The following ADARB2 variants were observed in gnomAD, a reference collection of about 807,000 sequenced individuals.
ADARB2 encodes inactive double-stranded RNA-specific editase B2.
Under a neutral mutation model 62.2 loss-of-function variants are expected in ADARB2, and 25 were observed. That is an observed-to-expected ratio of 0.40 (90% confidence interval 0.29 to 0.56). The LOEUF (loss-of-function observed/expected upper bound fraction) is 0.56. Among genes scored for constraint, ADARB2 ranks in the 20% least tolerant of loss-of-function variants. ADARB2 has a pLI of 0.43. For synonymous variants in ADARB2, 572 were observed against 500.8 expected (o/e 1.14, Z -1.90); for missense variants, 1,071 against 1,077.4 (o/e 0.99, Z 0.08).
Position 1,474,555 on chromosome 10 carries a change from C to T in ADARB2, c.101-95395G>A, listed in dbSNP as rs74594419. On this transcript the variant is annotated intron_variant, in intron 1 of 9. Coordinates refer to ENST00000381312, the MANE Select transcript of ADARB2 (RefSeq NM_018702.4). Reference sequence around the variant, plus strand: ...ACACAGCCGGAGCGGACGGGCAAGGCGATGCTGTGTCCACACACGCAAACA... The same window carrying T: ...ACACAGCCGGAGCGGACGGGCAAGGTGATGCTGTGTCCACACACGCAAACA... Among the ~76,000 whole-genome samples the T allele has an allele frequency of 3.5e-3, 535 of 152,288 alleles. 3 individuals are homozygous for T. The highest frequency in any genetic ancestry group is 0.012 in the African/African-American group (498 of 41,562).
chr10:1,610,998 G>A (rs1344290884), intron 1 of ADARB2, among the ~76,000 whole-genome samples: 1 of 152,294 alleles, frequency 6.6e-6, no homozygotes, highest in South Asian at 2.1e-4. Flanking sequence ...GTACATTAGT[G>A]GTAGGAAATA....
chr10:1,575,081 A>T (rs1223716788), intron 1 of ADARB2, among the ~76,000 whole-genome samples: 1 of 25,758 alleles, frequency 3.9e-5, no homozygotes, highest in Non-Finnish European at 9.7e-5. Context: ...TGTACAGGTT[A>T]TTAAGCTGAA....
chr10:1,356,457 C>T (rs535422860), intron 3 of ADARB2, among the ~76,000 whole-genome samples: 21 of 152,270 alleles, frequency 1.4e-4, no homozygotes, highest in African/African-American at 4.1e-4. Flanking sequence ...TGGAAAACAA[C>T]AGAACTTCAC....
At chr10:1,516,356 C>T (rs1832008943) in intron 1 of ADARB2, among the ~76,000 whole-genome samples, 1 of 152,256 alleles carries the variant, frequency 6.6e-6, no homozygotes, top group Non-Finnish European at 1.5e-5. Flanking sequence ...GCGGCTTTCC[C>T]TGCTCCCTTT....
chr10:1,606,799 T>C (rs1036019927), intron 1 of ADARB2, among the ~76,000 whole-genome samples: 10 of 152,130 alleles, frequency 6.6e-5, no homozygotes, highest in African/African-American at 9.7e-5. Context: ...ACAGAAGCCA[T>C]TGAAGCCAGG....
At chr10:1,728,754 C>T (rs1835196861) in intron 1 of ADARB2, among the ~76,000 whole-genome samples, 1 of 152,206 alleles carries the variant, frequency 6.6e-6, no homozygotes, top group South Asian at 2.1e-4. Context: ...TCAGTCAGTG[C>T]TGAATATATA....
rs1170035729 is a variant in ADARB2, at chr10:1,329,939, T to TTC, written c.1077+33088_1077+33089insGA. On this transcript the variant is annotated intron_variant, in intron 3 of 9. Coordinates refer to ENST00000381312, the MANE Select transcript of ADARB2 (RefSeq NM_018702.4). ...AGGTAGAAGAAGTGCCTTTTTTTTT[T>TTC]TTTTTTTTTTTTTTTCTCTTAAACA... Among the ~76,000 whole-genome samples the TTC allele has an allele frequency of 2.5e-3, 296 of 118,504 alleles. 1 individual carries two copies. Among genetic ancestry groups the TTC allele is most frequent in the Non-Finnish European group, 3.9e-3 (244 of 62,352 alleles). The allele number at this position is 118,504 out of a possible 152,430, so 77.7% of individuals were successfully genotyped here.
chr10:1,445,226 C>T (rs1231490069), intron 1 of ADARB2, among the ~76,000 whole-genome samples: 1 of 150,388 alleles, frequency 6.6e-6, no homozygotes, highest in Non-Finnish European at 1.5e-5. Flanking sequence ...CCCATCCATT[C>T]ATTCACCACC....
chr10:1,548,727 G>A (rs1027428223), intron 1 of ADARB2, among the ~76,000 whole-genome samples: 2 of 152,210 alleles, frequency 1.3e-5, no homozygotes, highest in African/African-American at 4.8e-5. Context: ...GAAAGAAACA[G>A]GAAGAGAAAA....
chr10:1,582,050 G>C (rs1833110213), intron 1 of ADARB2, among the ~76,000 whole-genome samples: 1 of 152,226 alleles, frequency 6.6e-6, no homozygotes, highest in South Asian at 2.1e-4. Flanking sequence ...GGTCCGAGCA[G>C]ACCTTCTTAA....
chr10:1,708,069 G>T (rs1039453457), intron 1 of ADARB2, among the ~76,000 whole-genome samples: 14 of 152,348 alleles, frequency 9.2e-5, no homozygotes, highest in Admixed American at 9.1e-4. Context: ...GAAATGACAG[G>T]TATGCAATGC....
At chr10:1,491,961 A>G (rs17156405) in intron 1 of ADARB2, among the ~76,000 whole-genome samples, 3,446 of 152,370 alleles carry the variant, frequency 0.023, 137 homozygotes, top group African/African-American at 0.076. Flanking sequence ...TTGCTACAAA[A>G]TGAGAGTTAT....
At chr10:1,647,697 CAT>C (rs1432260728) in intron 1 of ADARB2, among the ~76,000 whole-genome samples, 11 of 150,660 alleles carry the variant, frequency 7.3e-5, no homozygotes, top group South Asian at 6.3e-4. Context: ...TGTATGTGTG[CAT>C]ATATGTGTGT....
At chr10:1,213,220 C>A (rs1837181836) in intron 7 of ADARB2, among the ~76,000 whole-genome samples, 1 of 151,756 alleles carries the variant, frequency 6.6e-6, no homozygotes, top group South Asian at 2.1e-4. Context: ...GATGGGCACA[C>A]AGAGAAAGAG....
At chr10:1,200,975 A>T (rs1836977946) in intron 7 of ADARB2, among the ~76,000 whole-genome samples, 1 of 152,256 alleles carries the variant, frequency 6.6e-6, no homozygotes, top group African/African-American at 2.4e-5. Flanking sequence ...TTTCATGATT[A>T]ATAAGGAGTC....
chr10:1,714,332 T>G (rs1468771119), intron 1 of ADARB2, among the ~76,000 whole-genome samples: 1 of 152,222 alleles, frequency 6.6e-6, no homozygotes, highest in Non-Finnish European at 1.5e-5. Context: ...TTAGGCACCA[T>G]GTATTTTTTA....
intron 1 of ADARB2, among the ~76,000 whole-genome samples, chr10:1,732,881 C>T (rs1835251597): frequency 6.6e-6 from 1 of 152,238 alleles, no homozygotes; most frequent in South Asian, 2.1e-4. Context: ...TTCCTTTTGC[C>T]AACTTTTTAT....
intron 1 of ADARB2, among the ~76,000 whole-genome samples, chr10:1,428,139 T>G (rs934935265): frequency 4.6e-5 from 7 of 151,138 alleles, no homozygotes; most frequent in African/African-American, 1.7e-4. Context: ...CCCGACTAAT[T>G]TTTTTGTATT....
In ADARB2 at chr10:1,227,942, A is replaced by T. The variant is rs140924475; in HGVS notation, c.1513+5752T>A. ...TTGCCATATTTGATTGATGATGATGATGATAGTGATGATGCTGGATTATAA... is the reference window on the plus strand; with the variant it reads ...TTGCCATATTTGATTGATGATGATGTTGATAGTGATGATGCTGGATTATAA... On this transcript the variant is annotated intron_variant, in intron 6 of 9. Transcript: ENST00000381312. 7.0e-3 allele frequency among the ~76,000 whole-genome samples: 1,066 copies of T among 152,296 alleles called. 7 individuals are homozygous for T. Among genetic ancestry groups the T allele is most frequent in the Middle Eastern group, 0.014 (4 of 294 alleles).
Sources: allele counts gnomAD v4.1 joint callset (sites outside exome capture counted in the v4.1 genomes callset), GRCh38; gene constraint gnomAD v4.1.1; transcripts MANE v1.5; gene names NCBI Gene and HGNC (gene_info 2026-07-23, HGNC 2026-07-21).